KCNK10: variants seen among roughly 807,000 people sequenced by gnomAD.
KCNK10 encodes the protein potassium channel subfamily K member 10.
KCNK10 carries 25 observed loss-of-function variants against 47.7 expected under a neutral mutation model. The ratio of observed to expected loss-of-function variants is 0.52; its 90% CI spans 0.38 to 0.73. KCNK10 has a LOEUF of 0.73. Among genes scored for constraint, KCNK10 ranks in the 30% least tolerant of loss-of-function variants. The pLI is 0.00. For missense variants in KCNK10, 563 were observed against 714.5 expected (o/e 0.79, Z 2.42); for synonymous variants, 303 against 285.6 (o/e 1.06, Z -0.61).
intron 4 of KCNK10, among the ~76,000 whole-genome samples, chr14:88,225,404 A>ATGAAATG (rs763910485): frequency 3.7e-4 from 29 of 77,866 alleles, no homozygotes; most frequent in Non-Finnish European, 6.1e-4. Flanking sequence ...CAGCATAAAG[A>ATGAAATG]TGAAATGTGA....
At chr14:88,203,818 C>G (rs896668604) in intron 4 of KCNK10, among the ~76,000 whole-genome samples, 23 of 152,078 alleles carry the variant, frequency 1.5e-4, no homozygotes, top group Admixed American at 1.2e-3. Context: ...CCAGAAGGAG[C>G]TGATGGAGTA....
intron 1 of KCNK10, among the ~76,000 whole-genome samples, chr14:88,277,300 C>G (rs1259884311): frequency 4.6e-5 from 7 of 152,072 alleles, no homozygotes; most frequent in Non-Finnish European, 8.8e-5. Flanking sequence ...AGGGAGAAAA[C>G]AGTTTCTACA....
At chr14:88,324,628 C>T (rs541454768), upstream of KCNK10, among the ~76,000 whole-genome samples, 3 of 152,236 alleles carry the variant, frequency 2.0e-5, no homozygotes, top group African/African-American at 7.2e-5. Flanking sequence ...CTATCTAGTG[C>T]CATAAGGTCC....
chr14:88,299,389 C>A (rs548610231), intron 1 of KCNK10, among the ~76,000 whole-genome samples: 2 of 152,210 alleles, frequency 1.3e-5, no homozygotes, highest in Admixed American at 1.3e-4. Context: ...GTGCCATTCT[C>A]TCTCTGCTTT....
intron 1 of KCNK10, among the ~76,000 whole-genome samples, chr14:88,264,952 G>GTTTTT (rs1887214023): frequency 6.6e-6 from 1 of 151,970 alleles, no homozygotes; most frequent in Non-Finnish European, 1.5e-5. Context: ...CATTCATTCT[G>GTTTTT]CCTCATCACT....
chr14:88,312,440 G>A (rs946621901), intron 1 of KCNK10, among the ~76,000 whole-genome samples: 4 of 152,172 alleles, frequency 2.6e-5, no homozygotes, highest in African/African-American at 4.8e-5. Context: ...GCTGGATGCC[G>A]ACTTGCGTTT....
At chr14:88,247,725 C>A (rs1164924749) in intron 2 of KCNK10, among the ~76,000 whole-genome samples, 3 of 152,182 alleles carry the variant, frequency 2.0e-5, no homozygotes, top group African/African-American at 7.2e-5. Flanking sequence ...TTCCTTGCTA[C>A]TACAAGTTAA....
At chr14:88,316,298 TC>T (rs1332997126) in intron 1 of KCNK10, among the ~76,000 whole-genome samples, 1 of 152,024 alleles carries the variant, frequency 6.6e-6, no homozygotes, top group Non-Finnish European at 1.5e-5. Context: ...TTCAGAGTAC[TC>T]AGTCCTAGAC....
intron 3 of KCNK10, chr14:88,234,973 C>A (rs548468756): frequency 5.5e-6 from 2 of 360,398 alleles, no homozygotes; most frequent in South Asian, 2.2e-5. Flanking sequence ...CCGAAAATAT[C>A]CAAGTATAAA....
intron 1 of KCNK10, among the ~76,000 whole-genome samples, chr14:88,298,108 C>G (rs1017784173): frequency 3.3e-5 from 5 of 151,872 alleles, no homozygotes; most frequent in Non-Finnish European, 5.9e-5. Flanking sequence ...TGTAAGTATC[C>G]CAAAATATAA....
rs1438134928 is a variant in KCNK10, at chr14:88,183,755, G to A, written c.*1780C>T. The A allele has an allele frequency of 6.6e-6, 1 of 152,352 alleles. No homozygotes were observed. Among genetic ancestry groups the A allele is most frequent in the Non-Finnish European group, 1.5e-5 (1 of 68,062 alleles). The allele number at this position is 152,352 out of a possible 1,614,324, so 9.4% of individuals were successfully genotyped here. A position where few individuals can be genotyped will look rare whatever the true frequency, so the allele number is the denominator to read the frequency against. On this transcript the variant is annotated 3_prime_UTR_variant, in exon 7 of 7. Coordinates refer to ENST00000319231, the MANE Select transcript of KCNK10 (RefSeq NM_138317.3). ...GACTTCATGTGCTCCAGGCAGGGAA[G>A]AGCTGTGCATTTTTGAGAAATGGGC... is the stretch of plus-strand genomic sequence containing the variant.
In KCNK10 at chr14:88,181,648, G is replaced by A. The variant is rs761940349; in HGVS notation, c.*3887C>T. 3.3e-5 allele frequency: 5 copies of A among 152,238 alleles called. No homozygotes were observed. Among genetic ancestry groups the A allele is most frequent in the African/African-American group, 1.2e-4 (5 of 41,410 alleles). The allele number at this position is 152,238 out of a possible 1,614,324, so 9.4% of individuals were successfully genotyped here. On this transcript the variant is annotated 3_prime_UTR_variant, in exon 7 of 7. Coordinates refer to ENST00000319231, the MANE Select transcript of KCNK10 (RefSeq NM_138317.3). ...AGAGAGCCTACACAGGGCATGATCC[G>A]AATTTGGACACCAGTCTCCCAAGTA...
chr14:88,198,914 T>TATTTTATTTTATTTTATTTTATTTG (rs1885010610), intron 4 of KCNK10, among the ~76,000 whole-genome samples: 1 of 149,024 alleles, frequency 6.7e-6, no homozygotes, highest in East Asian at 2.0e-4. Flanking sequence ...TATTTTATTT[T>TATTTTATTTTATTTTATTTTATTTG]ATTTTATTTT....
chr14:88,270,971 C>G (rs1479980248), intron 1 of KCNK10: 2 of 639,560 alleles, frequency 3.1e-6, no homozygotes, highest in Non-Finnish European at 5.6e-6. Context: ...CACCCACTGC[C>G]ACGCCCCCAC....
At chr14:88,275,490 ATTTG>A (rs1189443552) in intron 1 of KCNK10, among the ~76,000 whole-genome samples, 1 of 152,036 alleles carries the variant, frequency 6.6e-6, no homozygotes, top group Non-Finnish European at 1.5e-5. Flanking sequence ...CCGGATGAGA[ATTTG>A]TTTGTGAGTT....
rs1479060039 is a variant in KCNK10, at chr14:88,183,884, T to C, written c.*1651A>G. 6.6e-6 allele frequency: 1 copy of C among 152,402 alleles called. No individual in the cohort carries two copies. The highest frequency in any genetic ancestry group is 1.5e-5 in the Non-Finnish European group (1 of 68,046). 9.4% of individuals were successfully genotyped at this position (152,402 alleles called of 1,614,324 possible). A position where few individuals can be genotyped will look rare whatever the true frequency, so the allele number is the denominator to read the frequency against. On this transcript the variant is annotated 3_prime_UTR_variant, in exon 7 of 7. Transcript: ENST00000319231. Reference sequence around the variant, plus strand: ...AGTTTCTGGAAGTCTCCGCTAGTGCTGTGATCTTTTGGTAAATCCACACTG... The same window carrying C: ...AGTTTCTGGAAGTCTCCGCTAGTGCCGTGATCTTTTGGTAAATCCACACTG...
At chr14:88,224,944 G>A (rs575639446) in intron 4 of KCNK10, among the ~76,000 whole-genome samples, 12 of 152,186 alleles carry the variant, frequency 7.9e-5, no homozygotes, top group Admixed American at 3.3e-4. Flanking sequence ...TTACTCCACC[G>A]TAAATCCTCT....
intron 4 of KCNK10, among the ~76,000 whole-genome samples, chr14:88,193,151 T>C (rs1271141319): frequency 6.6e-6 from 1 of 152,178 alleles, no homozygotes; most frequent in Non-Finnish European, 1.5e-5. Context: ...TCTAAATGGG[T>C]AGTAGGACGA....
At chr14:88,206,677 T>G (rs1449124279) in intron 4 of KCNK10, among the ~76,000 whole-genome samples, 2 of 152,258 alleles carry the variant, frequency 1.3e-5, no homozygotes, top group East Asian at 3.8e-4. Flanking sequence ...TACGTATAGA[T>G]GCCAAGACTC....
Sources: allele counts gnomAD v4.1 joint callset (sites outside exome capture counted in the v4.1 genomes callset), GRCh38; gene constraint gnomAD v4.1.1; transcripts MANE v1.5; gene names NCBI Gene and HGNC (gene_info 2026-07-23, HGNC 2026-07-21).